The following EYS variants were observed in gnomAD, a reference collection of about 807,000 sequenced individuals.
The protein encoded by EYS is EGF-like photoreceptor maintenance factor.
Under a neutral mutation model 282.1 loss-of-function variants are expected in EYS, and 250 were observed. The observed-to-expected ratio is 0.89, with a 90% CI of 0.80 to 0.98. The LOEUF is 0.98. EYS is among the 50% of genes least tolerant of loss of function. The pLI, the probability that EYS is intolerant of heterozygous loss-of-function variation, is 0.00. For missense variants in EYS, 4,016 were observed against 3,709.0 expected (o/e 1.08, Z -2.15); for synonymous variants, 1,355 against 1,282.9 (o/e 1.06, Z -1.20).
chr6:64,069,920 C>T (rs1264895593), intron 32 of EYS, among the ~76,000 whole-genome samples: 3 of 151,836 alleles, frequency 2.0e-5, no homozygotes, highest in Non-Finnish European at 4.4e-5. Flanking sequence ...ATATTTTTTT[C>T]AAATAAGAAA....
chr6:64,761,901 G>T (rs1773173140), intron 22 of EYS, among the ~76,000 whole-genome samples: 1 of 152,120 alleles, frequency 6.6e-6, no homozygotes. Context: ...ATTACCTTTT[G>T]GGGGAGAAAA....
chr6:65,369,763 C>T (rs1765066683), intron 8 of EYS, among the ~76,000 whole-genome samples: 2 of 151,424 alleles, frequency 1.3e-5, no homozygotes, highest in South Asian at 2.1e-4. Flanking sequence ...CAGTAGCAGC[C>T]CTGATCTCTA....
At chr6:64,334,189 T>C (rs1173961016) in intron 29 of EYS, among the ~76,000 whole-genome samples, 1 of 152,136 alleles carries the variant, frequency 6.6e-6, no homozygotes, top group Non-Finnish European at 1.5e-5. Context: ...AAATCAATCA[T>C]AGTACCAATT....
At chr6:65,217,412 TTATAA>T (rs1347189601) in intron 12 of EYS, among the ~76,000 whole-genome samples, 1 of 152,074 alleles carries the variant, frequency 6.6e-6, no homozygotes, top group Admixed American at 6.6e-5. Context: ...ATATGATCAC[TTATAA>T]TAAGGTATTA....
intron 26 of EYS, among the ~76,000 whole-genome samples, chr6:64,564,444 T>C (rs999962267): frequency 4.0e-5 from 6 of 151,166 alleles, no homozygotes; most frequent in Non-Finnish European, 7.4e-5. Flanking sequence ...CGCCCAGCTA[T>C]TTTTTTATTA....
chr6:65,683,742 G>T (rs550679543), intron 1 of EYS, among the ~76,000 whole-genome samples: 1 of 152,092 alleles, frequency 6.6e-6, no homozygotes, highest in Admixed American at 6.6e-5. Flanking sequence ...GACAAGGATT[G>T]AGAGAGCAGC....
At chr6:65,022,923 A>C (rs1772292875) in intron 13 of EYS, among the ~76,000 whole-genome samples, 2 of 151,956 alleles carry the variant, frequency 1.3e-5, no homozygotes, top group African/African-American at 2.4e-5. Context: ...AATTTGAAAG[A>C]AGTCAGTCAC....
At chr6:65,420,087 T>C (rs905666113) in intron 5 of EYS, among the ~76,000 whole-genome samples, 23 of 152,092 alleles carry the variant, frequency 1.5e-4, no homozygotes, top group African/African-American at 5.1e-4. Context: ...AGGGTGGTGG[T>C]TGCTAAAGAT....
chr6:64,771,417 T>C (rs1773519035), intron 22 of EYS, among the ~76,000 whole-genome samples: 1 of 151,412 alleles, frequency 6.6e-6, no homozygotes, highest in East Asian at 1.9e-4. Context: ...TCTATTTTAC[T>C]TAGGAATGCT....
At chr6:63,877,643 A>T (rs1773012561) in intron 35 of EYS, among the ~76,000 whole-genome samples, 1 of 151,740 alleles carries the variant, frequency 6.6e-6, no homozygotes, top group Non-Finnish European at 1.5e-5. Flanking sequence ...ACATAGCCCC[A>T]TATTTCTTGG....
Position 64,606,732 on chromosome 6 carries a change from T to C in EYS, c.3684+10686A>G, listed in dbSNP as rs908309781. On this transcript the variant is annotated intron_variant, in intron 24 of 42. Transcript: ENST00000503581. ...GTCAGCCTTATAGTCAGAAAGTCTT[T>C]GAAGCTAGTCTTCAAACTCTGGGAA... Among the ~76,000 whole-genome samples the C allele has an allele frequency of 7.0e-4, 107 of 152,070 alleles. 1 individual carries two copies. Among genetic ancestry groups the C allele is most frequent in the African/African-American group, 2.5e-3 (104 of 41,412 alleles).
At chr6:64,120,521 G>C (rs1011577931) in intron 31 of EYS, among the ~76,000 whole-genome samples, 1 of 151,850 alleles carries the variant, frequency 6.6e-6, no homozygotes, top group African/African-American at 2.4e-5. Flanking sequence ...AAATAGAAAA[G>C]AAAAAGGTAA....
chr6:65,598,979 A>G (rs1213877219), intron 2 of EYS, among the ~76,000 whole-genome samples: 1 of 152,050 alleles, frequency 6.6e-6, no homozygotes, highest in Non-Finnish European at 1.5e-5. Context: ...CTATATCTAT[A>G]TTTATATATC....
chr6:65,703,172 CCT>C (rs144092758), intron 1 of EYS, among the ~76,000 whole-genome samples: 3 of 151,460 alleles, frequency 2.0e-5, no homozygotes. Flanking sequence ...CCTTAAAGTG[CCT>C]CTCTCTCTCT....
chr6:64,778,693 C>T (rs1377090779), intron 22 of EYS, among the ~76,000 whole-genome samples: 1 of 152,072 alleles, frequency 6.6e-6, no homozygotes. Context: ...CTAAAAACCA[C>T]CACCAACAAC....
At chr6:65,559,681 T>G (rs1582455553) in intron 2 of EYS, among the ~76,000 whole-genome samples, 1 of 152,174 alleles carries the variant, frequency 6.6e-6, no homozygotes, top group Non-Finnish European at 1.5e-5. Context: ...TTGAGCGATC[T>G]TCTGAATAAT....
intron 39 of EYS, among the ~76,000 whole-genome samples, chr6:63,778,898 T>C (rs1051237712): frequency 1.3e-5 from 2 of 152,060 alleles, no homozygotes; most frequent in African/African-American, 4.8e-5. Context: ...CGTTTTTGGT[T>C]GGGTATCAAA....
At chr6:64,373,956 C>T (rs1772478083) in intron 29 of EYS, among the ~76,000 whole-genome samples, 1 of 152,050 alleles carries the variant, frequency 6.6e-6, no homozygotes, top group Non-Finnish European at 1.5e-5. Context: ...AGCTGCCTGG[C>T]TATCAGCAGC....
chr6:65,355,123 T>C (rs1252635241), intron 8 of EYS, among the ~76,000 whole-genome samples: 1 of 152,050 alleles, frequency 6.6e-6, no homozygotes, highest in Non-Finnish European at 1.5e-5. Flanking sequence ...CTTAGCAGAA[T>C]AGTACATTAT....
Sources: gnomAD v4.1 joint callset for allele counts (sites outside exome capture counted in the v4.1 genomes callset) on GRCh38, gnomAD v4.1.1 for gene constraint, MANE v1.5 for transcripts, NCBI Gene and HGNC (gene_info 2026-07-23, HGNC 2026-07-21) for gene names.